The following NUP205 variants were observed in gnomAD, a reference collection of about 807,000 sequenced individuals.
NUP205 encodes the protein nuclear pore complex protein Nup205.
In NUP205, 76 loss-of-function variants were observed where a neutral mutation model predicts 253.8. The ratio of observed to expected loss-of-function variants is 0.30; its 90% CI spans 0.25 to 0.36. The LOEUF is 0.36. Among genes scored for constraint, NUP205 ranks in the 10% least tolerant of loss-of-function variants. NUP205 has a pLI of 1.00. For synonymous variants in NUP205, 832 were observed against 850.1 expected, an observed-to-expected ratio of 0.98 and a Z score of 0.37; for missense variants, 2,162 against 2,425.5, an observed-to-expected ratio of 0.89 and a Z score of 2.28.
At chr7:135,595,930 C>A (rs1209602365) in intron 13 of NUP205, among the ~76,000 whole-genome samples, 1 of 150,436 alleles carries the variant, frequency 6.6e-6, no homozygotes, top group Non-Finnish European at 1.5e-5. Flanking sequence ...TTCATAGAAG[C>A]AAAAAAAATT....
At chr7:135,615,827 G>T in intron 23 of NUP205, 89 bp from the exon 24 acceptor site, 1 of 746,250 alleles carries the variant, frequency 1.3e-6, no homozygotes, top group Non-Finnish European at 2.0e-6. Flanking sequence ...TTGTTACATG[G>T]GAAAATATCT....
chr7:135,570,052 T>TATAGAGAGAGAG (rs1284263475), intron 1 of NUP205, among the ~76,000 whole-genome samples: 5 of 79,164 alleles, frequency 6.3e-5, no homozygotes, highest in African/African-American at 2.6e-4. Context: ...TATATATATA[T>TATAGAGAGAGAG]AGAGAGAGAG....
chr7:135,642,554 C>T (rs7801818), intron 38 of NUP205, among the ~76,000 whole-genome samples: 2,392 of 152,290 alleles, frequency 0.016, 63 homozygotes, highest in African/African-American at 0.055. Flanking sequence ...TGTTCCTTTG[C>T]ATCTTCATTA....
rs373044490 is a variant in NUP205, at chr7:135,617,058, A to G, written c.3533-32A>G. 2.5e-5 allele frequency: 38 copies of G among 1,532,972 alleles called. No homozygotes were observed. The African/African-American group carries it at 5.1e-4, about 21-fold the overall frequency. The allele number at this position is 1,532,972 out of a possible 1,614,324, so 95.0% of individuals were successfully genotyped here. ...GCTTGCCTTTCTTTTCAATGTCCCAAGTAAAATCAAATTACTTTTTATTAT... is the reference window on the plus strand; with the variant it reads ...GCTTGCCTTTCTTTTCAATGTCCCAGGTAAAATCAAATTACTTTTTATTAT... On this transcript the variant is annotated intron_variant, in intron 25 of 42. Transcript: ENST00000285968.
chr7:135,617,488 A>G (rs1245058129), intron 26 of NUP205, 114 bp from the exon 27 acceptor site: 7 of 779,162 alleles, frequency 9.0e-6, no homozygotes, highest in Non-Finnish European at 1.5e-5. Context: ...GTTAGATTAT[A>G]TATAAAGGTA....
At chr7:135,564,702 A>G (rs74732175) in intron 1 of NUP205, among the ~76,000 whole-genome samples, 3,820 of 149,512 alleles carry the variant, frequency 0.026, 98 homozygotes, top group South Asian at 0.079. Flanking sequence ...TGGCCCTTTG[A>G]TGCTATGTTG....
rs532530801 is a variant in NUP205, at chr7:135,637,746, A to G, written c.5137-185A>G. On this transcript the variant is annotated intron_variant, in intron 36 of 42. Transcript: ENST00000285968. The stretch of plus-strand genomic sequence containing the variant: ...TACTCTTTTCATCTGTTAGCTACCA[A>G]TCAAATACCTTTGCAAAAAGTTGAA... Among the ~76,000 whole-genome samples the G allele has an allele frequency of 4.5e-4, 69 of 152,346 alleles. No individual in the cohort carries two copies. The highest frequency in any genetic ancestry group is 5.4e-4 in the Non-Finnish European group (37 of 68,018).
intron 11 of NUP205, 147 bp downstream of exon 11, chr7:135,591,747 A>C: frequency 3.1e-6 from 2 of 639,530 alleles, no homozygotes; most frequent in South Asian, 4.2e-5. Context: ...GGAAGCATGC[A>C]TACAGCTTTA....
At chr7:135,602,782 C>G in intron 17 of NUP205, 23 bp from the exon 18 acceptor site, 1 of 1,578,262 alleles carries the variant, frequency 6.3e-7, no homozygotes, top group Non-Finnish European at 8.6e-7. Context: ...TTAGAACTTT[C>G]TAACTTTATT....
intron 12 of NUP205, among the ~76,000 whole-genome samples, chr7:135,593,616 G>A (rs1032613891): frequency 1.3e-5 from 2 of 152,040 alleles, no homozygotes; most frequent in Non-Finnish European, 2.9e-5. Flanking sequence ...TACCAAATTG[G>A]TCTTTGTAAA....
chr7:135,623,949 AT>A (rs1168961144), intron 31 of NUP205, among the ~76,000 whole-genome samples: 1 of 151,732 alleles, frequency 6.6e-6, no homozygotes, highest in Non-Finnish European at 1.5e-5. Flanking sequence ...CGCCTGGCTA[AT>A]TTTTTGTAGT....
intron 8 of NUP205, among the ~76,000 whole-genome samples, 185 bp from the exon 9 acceptor site, chr7:135,587,390 T>C (rs1230945303): frequency 2.0e-5 from 3 of 152,208 alleles, no homozygotes; most frequent in Admixed American, 6.5e-5. Flanking sequence ...TAAGATATTA[T>C]ACATTATGGG....
At chr7:135,578,050 C>T in intron 6 of NUP205, 26 bp downstream of exon 6, 1 of 1,516,372 alleles carries the variant, frequency 6.6e-7, no homozygotes, top group Non-Finnish European at 9.1e-7. Flanking sequence ...CATTTTCCTA[C>T]ATTAAAAAAA....
intron 22 of NUP205, among the ~76,000 whole-genome samples, chr7:135,608,574 G>A (rs1440494544): frequency 6.6e-6 from 1 of 151,798 alleles, no homozygotes; most frequent in Non-Finnish European, 1.5e-5. Flanking sequence ...TGGGCGTGGT[G>A]GCACGTGCCT....
intron 1 of NUP205, among the ~76,000 whole-genome samples, chr7:135,570,803 A>C (rs1584638859): frequency 9.5e-6 from 1 of 105,686 alleles, no homozygotes; most frequent in Non-Finnish European, 1.8e-5. Flanking sequence ...TATTATATTA[A>C]TATATATTAA....
chr7:135,578,216 G>GT (rs1310065983), intron 6 of NUP205, among the ~76,000 whole-genome samples, 192 bp downstream of exon 6: 2 of 152,148 alleles, frequency 1.3e-5, no homozygotes, highest in South Asian at 2.1e-4. Context: ...AATTATTTCT[G>GT]TTTTTTGGGG....
chr7:135,560,262 C>T (rs1805548060), intron 1 of NUP205, among the ~76,000 whole-genome samples: 1 of 152,306 alleles, frequency 6.6e-6, no homozygotes, highest in South Asian at 2.1e-4. Flanking sequence ...TCCCAAAGTG[C>T]TGGGATTACA....
chr7:135,628,251 C>T (rs1794636183), intron 34 of NUP205, 140 bp downstream of exon 34: 2 of 657,628 alleles, frequency 3.0e-6, no homozygotes, highest in South Asian at 3.6e-5. Context: ...AGAAAAGAGG[C>T]CCCTGTACTT....
intron 3 of NUP205, among the ~76,000 whole-genome samples, chr7:135,575,004 G>A (rs764438135): frequency 1.6e-4 from 24 of 152,258 alleles, no homozygotes; most frequent in Admixed American, 2.6e-4. Flanking sequence ...AGTTTAACTC[G>A]GAACTTTCAT....
Sources: gnomAD v4.1 joint callset for allele counts (sites outside exome capture counted in the v4.1 genomes callset) on GRCh38, gnomAD v4.1.1 for gene constraint, MANE v1.5 for transcripts, NCBI Gene and HGNC (gene_info 2026-07-23, HGNC 2026-07-21) for gene names.